TTLL12: variants seen among roughly 807,000 people sequenced by gnomAD.
TTLL12 encodes tubulin--tyrosine ligase-like protein 12.
A neutral mutation model predicts 79.6 loss-of-function variants in TTLL12; 77 were observed. The observed-to-expected ratio is 0.97, with a 90% CI of 0.81 to 1.17. The LOEUF (loss-of-function observed/expected upper bound fraction) is 1.17, where lower values mean the gene tolerates loss of function less well. Among genes scored for constraint, TTLL12 ranks in the 50% most tolerant of loss-of-function variants. The pLI, the probability that TTLL12 is intolerant of heterozygous loss-of-function variation, is 0.00. For synonymous variants in TTLL12, 437 were observed against 376.1 expected, an observed-to-expected ratio of 1.16 and a Z score of -1.87; for missense variants, 969 against 895.9, an observed-to-expected ratio of 1.08 and a Z score of -1.04.
intron 2 of TTLL12, among the ~76,000 whole-genome samples, chr22:43,181,829 G>A (rs73163913): frequency 0.085 from 12,997 of 152,254 alleles, 622 homozygotes; most frequent in Non-Finnish European, 0.11. Flanking sequence ...AAAATAAGTG[G>A]GTTTACTCTT....
At chr22:43,178,664 C>G (rs2147073310) in intron 5 of TTLL12, among the ~76,000 whole-genome samples, 1 of 152,248 alleles carries the variant, frequency 6.6e-6, no homozygotes, top group South Asian at 2.1e-4. Context: ...CTAACCCTTC[C>G]CGAAACCCTC....
Position 43,173,859 on chromosome 22 carries a change from TG to T in TTLL12, c.1230-34del, listed in dbSNP as rs760621157. Reference sequence around the variant, plus strand: ...GCAGAAGGGCTGTCTGGGGGGCGCCTGGGGCCTGTGTTCCCAGATGGTGCCA... The same window carrying T: ...GCAGAAGGGCTGTCTGGGGGGCGCCTGGGCCTGTGTTCCCAGATGGTGCCA... On this transcript the variant is annotated intron_variant, in intron 8 of 13. Coordinates refer to ENST00000216129, the MANE Select transcript of TTLL12 (RefSeq NM_015140.4). The T allele has an allele frequency of 4.4e-6, 7 of 1,576,708 alleles. No homozygotes were observed. The East Asian group carries it at 1.4e-4, about 31-fold the overall frequency.
intron 5 of TTLL12, among the ~76,000 whole-genome samples, chr22:43,176,729 C>CAAAAAAAA (rs869094672): frequency 3.4e-5 from 2 of 58,898 alleles, no homozygotes; most frequent in Non-Finnish European, 6.2e-5. Flanking sequence ...GACTACATCT[C>CAAAAAAAA]AAAAAAAAAA....
intron 1 of TTLL12, among the ~76,000 whole-genome samples, chr22:43,185,249 A>T (rs1318184307): frequency 0.014 from 4 of 296 alleles, no homozygotes; most frequent in Admixed American, 0.075. Flanking sequence ...GAAAAAAATT[A>T]TATATATATA....
chr22:43,173,930 G>C, intron 8 of TTLL12, 104 bp from the exon 9 acceptor site: 1 of 1,095,396 alleles, frequency 9.1e-7, no homozygotes, highest in Non-Finnish European at 1.3e-6. Context: ...TTCTCCTTGG[G>C]AGCTGAGGGG....
chr22:43,170,085 G>A (rs548294871), intron 11 of TTLL12: 13 of 356,084 alleles, frequency 3.7e-5, no homozygotes, highest in Non-Finnish European at 7.2e-5. Context: ...GGTGGCAGTC[G>A]GCTCAGGTTT....
chr22:43,172,613 A>G, intron 9 of TTLL12, 59 bp from the exon 10 acceptor site: 2 of 1,600,402 alleles, frequency 1.2e-6, no homozygotes, highest in Non-Finnish European at 1.7e-6. Flanking sequence ...GGGGCTCCCG[A>G]GCACACAAAG....
chr22:43,178,516 T>A (rs1234997688), intron 5 of TTLL12, among the ~76,000 whole-genome samples: 3 of 151,798 alleles, frequency 2.0e-5, no homozygotes, highest in Non-Finnish European at 2.9e-5. Flanking sequence ...AGAGACGGGG[T>A]TTCACCGTGT....
intron 6 of TTLL12, chr22:43,175,348 C>A (rs1198298241): frequency 6.6e-6 from 1 of 152,334 alleles, no homozygotes; most frequent in Admixed American, 6.5e-5. Context: ...CACCTGCAGC[C>A]TCCTGGGAGG....
rs1380898979 is a variant in TTLL12, at chr22:43,170,433, T to A, written c.1576-865A>T. Among the ~76,000 whole-genome samples, 4 of 152,170 alleles carry A rather than the reference T, an allele frequency of 2.6e-5. No individual in the cohort carries two copies. The East Asian group carries it at 7.7e-4, about 29-fold the overall frequency. On this transcript the variant is annotated intron_variant, in intron 11 of 13. Transcript: ENST00000216129. ...GTCCTCCTAGAGGACTCCTCGGACA[T>A]GGGCATGGCCAGGTGCCTCCACGCA...
rs35518399 is a variant in TTLL12 at position 43,180,664 on chromosome 22, C to T, written c.546+78G>A. On this transcript the variant is annotated intron_variant, in intron 3 of 13. Coordinates refer to ENST00000216129, the MANE Select transcript of TTLL12 (RefSeq NM_015140.4). ...TGCTTGCTCTGGCCGGCCCCTCACC[C>T]GGCCTGATGGCACAGGGCAGCGGAG... 144,856 of 1,514,666 alleles carry T rather than the reference C, an allele frequency of 0.096. 7,807 individuals carry two copies. The highest frequency in any genetic ancestry group is 0.11 in the Non-Finnish European group (119,826 of 1,107,610). The allele number at this position is 1,514,666 out of a possible 1,614,324, so 93.8% of individuals were successfully genotyped here.
At chr22:43,185,747 C>A (rs556867279) in intron 1 of TTLL12, among the ~76,000 whole-genome samples, 1 of 152,318 alleles carries the variant, frequency 6.6e-6, no homozygotes, top group South Asian at 2.1e-4. Context: ...CGAGGGAGGG[C>A]GTGCTGCCGT....
chr22:43,177,287 T>A (rs1931939836), intron 5 of TTLL12, among the ~76,000 whole-genome samples: 1 of 152,064 alleles, frequency 6.6e-6, no homozygotes, highest in South Asian at 2.1e-4. Context: ...GAGGATTGCC[T>A]GAGCCCAGGA....
At position 43,176,309 on chromosome 22, in the gene TTLL12, G is replaced by GT; in HGVS notation, c.917+10_917+11insA. The stretch of plus-strand genomic sequence containing the variant: ...AAGTCCCAGCCCAAGCAGTGGGGGG[G>GT]GGCTACGCACTTGAAGATGTGGCCG... On this transcript the variant is annotated intron_variant, in intron 6 of 13. Transcript: ENST00000216129. 1 of 1,577,830 alleles carries GT rather than the reference G, an allele frequency of 6.3e-7. No homozygotes were observed. The highest frequency in any genetic ancestry group is 8.6e-7 in the Non-Finnish European group (1 of 1,159,354).
chr22:43,174,722 G>T, intron 6 of TTLL12, 107 bp from the exon 7 acceptor site: 2 of 810,536 alleles, frequency 2.5e-6, no homozygotes, highest in Non-Finnish European at 3.9e-6. Context: ...AAGCTAATGA[G>T]GCAGAGGCAA....
intron 5 of TTLL12, 126 bp downstream of exon 5, chr22:43,179,493 T>C: frequency 1.5e-6 from 2 of 1,327,642 alleles, no homozygotes; most frequent in Middle Eastern, 3.0e-4. Context: ...CAAAACTCTA[T>C]GCCTCCCACG....
At chr22:43,172,268 G>A in intron 10 of TTLL12, 135 bp downstream of exon 10, 1 of 1,101,778 alleles carries the variant, frequency 9.1e-7, no homozygotes, top group South Asian at 1.5e-5. Flanking sequence ...GGCTCCAAGG[G>A]CCGCTAGCTG....
Position 43,180,913 on chromosome 22 carries a change from C to A in TTLL12, c.375G>T (p.Thr125=), listed in dbSNP as rs773497942. 7 of 1,612,004 alleles carry A rather than the reference C, an allele frequency of 4.3e-6. No individual in the cohort carries two copies. In the African/African-American group the frequency reaches 9.3e-5, roughly 22 times the overall value. Residue 125 remains threonine (T), a synonymous_variant, in exon 3 of 14, where the codon ACG becomes ACT. Coordinates refer to ENST00000216129, the MANE Select transcript of TTLL12 (RefSeq NM_015140.4). ...GCTGGCGCGCGTGCTCCACACGGCA[C>A]GTCCAGGCGTGGTCGATGAGGAAGA... ...NSIFLIDHAW[T]CRVEHARQQL... is the part of the protein sequence containing the mutation.
rs768386707 is a variant in TTLL12 at position 43,186,983 on chromosome 22, G to C, written c.87C>G (p.Ala29=). 1.7e-4 allele frequency: 219 copies of C among 1,294,086 alleles called. 2 individuals are homozygous for C. In the South Asian group the frequency reaches 3.8e-3, roughly 22 times the overall value. The allele number at this position is 1,294,086 out of a possible 1,614,324, so 80.2% of individuals were successfully genotyped here. The change falls in exon 1 of 14, where the codon GCC becomes GCG. Residue 29 remains alanine (A), a synonymous_variant. Coordinates refer to ENST00000216129, the MANE Select transcript of TTLL12 (RefSeq NM_015140.4). Reference sequence around the variant, plus strand: ...CCGGGCCGTGCAGCGCCGCGAACTCGGCCAAGGCCTGCGCGCCCTCCTCCG... The same window carrying C: ...CCGGGCCGTGCAGCGCCGCGAACTCCGCCAAGGCCTGCGCGCCCTCCTCCG... ...QTPEEGAQAL[A]EFAALHGPAL...
Sources: gnomAD v4.1 joint callset for allele counts (sites outside exome capture counted in the v4.1 genomes callset) on GRCh38, gnomAD v4.1.1 for gene constraint, MANE v1.5 for transcripts, NCBI Gene and HGNC (gene_info 2026-07-23, HGNC 2026-07-21) for gene names.